ZCCHC7: variants seen among roughly 807,000 people sequenced by gnomAD.
ZCCHC7 encodes the protein zinc finger CCHC-type containing 7.
In ZCCHC7, 35 loss-of-function variants were observed where a neutral mutation model predicts 52.0. The observed-to-expected ratio is 0.67, with a 90% confidence interval of 0.51 to 0.89. The LOEUF is 0.89. Ranked by LOEUF, ZCCHC7 falls within the 40% of genes least tolerant of loss-of-function variation. The pLI is 0.00. For synonymous variants in ZCCHC7, 217 were observed against 221.5 expected (o/e 0.98, Z 0.18); for missense variants, 574 against 649.1 (o/e 0.88, Z 1.26).
intron 2 of ZCCHC7, among the ~76,000 whole-genome samples, chr9:37,238,523 AAAT>A (rs1825748362): frequency 6.6e-6 from 1 of 152,178 alleles, no homozygotes; most frequent in Non-Finnish European, 1.5e-5. Context: ...AAACCTTAGT[AAAT>A]AAGTTTTTTT....
chr9:37,229,071 G>A (rs1383180863), intron 2 of ZCCHC7, among the ~76,000 whole-genome samples: 1 of 152,082 alleles, frequency 6.6e-6, no homozygotes, highest in Admixed American at 6.6e-5. Context: ...CTGAGCTCAA[G>A]CAATCTGCCC....
chr9:37,304,657 GAAA>G (rs200820613), intron 4 of ZCCHC7, among the ~76,000 whole-genome samples: 302 of 140,076 alleles, frequency 2.2e-3, no homozygotes, highest in African/African-American at 7.4e-3. Context: ...CTCTGTCTCA[GAAA>G]AAAAAAAAAA....
chr9:37,164,441 TTAGATAGATAGATAGATAGATAGATAGA>T lies in ZCCHC7; in HGVS notation c.610+37532_610+37559del, dbSNP rs58626855. Among the ~76,000 whole-genome samples, 17 of 139,410 alleles carry T rather than the reference TTAGATAGATAGATAGATAGATAGATAGA, an allele frequency of 1.2e-4. 1 individual carries two copies. The highest frequency in any genetic ancestry group is 7.5e-4 in the South Asian group (3 of 4,012). 91.5% of individuals were successfully genotyped at this position (139,410 alleles called of 152,430 possible). A position where few individuals can be genotyped will look rare whatever the true frequency, so the allele number is the denominator to read the frequency against. ...GCCGGGGTGACGGAGTGAGACTGTCTTAGATAGATAGATAGATAGATAGATAGATAGATAGATAGATAGATAGATAGAT... is the reference window on the plus strand; with the variant it reads ...GCCGGGGTGACGGAGTGAGACTGTCTTAGATAGATAGATAGATAGATAGAT... On this transcript the variant is annotated intron_variant, in intron 2 of 8. Coordinates refer to ENST00000336755, the MANE Select transcript of ZCCHC7 (RefSeq NM_032226.3).
At position 37,247,611 on chromosome 9, in the gene ZCCHC7, G is replaced by A. The variant is rs545926236; in HGVS notation, c.611-54577G>A. Among the ~76,000 whole-genome samples, 13 of 152,280 alleles carry A rather than the reference G, an allele frequency of 8.5e-5. 1 individual carries two copies. In the South Asian group the frequency reaches 2.7e-3, roughly 32 times the overall value. ...AAAGCCATTGGTCCAGTTTTGATAA[G>A]AAATGAAGTTGGAAGTTGGGTGTAG... On this transcript the variant is annotated intron_variant, in intron 2 of 8. Coordinates refer to ENST00000336755, the MANE Select transcript of ZCCHC7 (RefSeq NM_032226.3).
intron 2 of ZCCHC7, among the ~76,000 whole-genome samples, chr9:37,149,052 T>C (rs1843567114): frequency 6.6e-6 from 1 of 152,160 alleles, no homozygotes; most frequent in Non-Finnish European, 1.5e-5. Flanking sequence ...GTTAAAGTGG[T>C]TTGTGTTACA....
intron 2 of ZCCHC7, among the ~76,000 whole-genome samples, chr9:37,264,459 C>CT (rs11321898): frequency 2.3e-4 from 35 of 151,428 alleles, no homozygotes; most frequent in Admixed American, 1.8e-3. Context: ...TTTAAATAGT[C>CT]TTTTTTTTTG....
At chr9:37,281,066 G>A (rs1357145334) in intron 2 of ZCCHC7, among the ~76,000 whole-genome samples, 1 of 152,110 alleles carries the variant, frequency 6.6e-6, no homozygotes, top group Non-Finnish European at 1.5e-5. Flanking sequence ...CTAACTCTAA[G>A]TAGAGTTAAT....
chr9:37,328,851 A>G (rs1381722823), intron 6 of ZCCHC7, among the ~76,000 whole-genome samples: 2 of 151,940 alleles, frequency 1.3e-5, no homozygotes, highest in Non-Finnish European at 2.9e-5. Flanking sequence ...TGTGATTACC[A>G]TTTAATTTTT....
At chr9:37,338,395 A>G (rs2118430562) in intron 6 of ZCCHC7, among the ~76,000 whole-genome samples, 1 of 152,304 alleles carries the variant, frequency 6.6e-6, no homozygotes, top group African/African-American at 2.4e-5. Flanking sequence ...TTTACTGAAA[A>G]AGATACAATG....
chr9:37,340,051 G>A (rs1274737389), intron 6 of ZCCHC7, among the ~76,000 whole-genome samples: 1 of 152,148 alleles, frequency 6.6e-6, no homozygotes, highest in Non-Finnish European at 1.5e-5. Flanking sequence ...AGTAAGGCCA[G>A]TGTCCCAGAT....
chr9:37,180,047 GTTAT>G (rs1252553676), intron 2 of ZCCHC7, among the ~76,000 whole-genome samples: 2 of 152,004 alleles, frequency 1.3e-5, no homozygotes, highest in African/African-American at 4.8e-5. Context: ...AACCAAAATG[GTTAT>G]TTTTTTTCCC....
At chr9:37,123,190 G>GGTGTGT (rs58690804) in intron 1 of ZCCHC7, among the ~76,000 whole-genome samples, 20 of 148,712 alleles carry the variant, frequency 1.3e-4, no homozygotes, top group African/African-American at 4.7e-4. Flanking sequence ...CTGAGTCAAG[G>GGTGTGT]GTGTGTGTGT....
intron 2 of ZCCHC7, among the ~76,000 whole-genome samples, chr9:37,224,219 T>A (rs1055190666): frequency 1.8e-4 from 28 of 152,288 alleles, no homozygotes; most frequent in South Asian, 4.1e-4. Context: ...AAATCATTTT[T>A]AATACAGAGA....
At chr9:37,265,016 A>C (rs1827036260) in intron 2 of ZCCHC7, among the ~76,000 whole-genome samples, 1 of 152,136 alleles carries the variant, frequency 6.6e-6, no homozygotes, top group Admixed American at 6.5e-5. Context: ...TAGATGATAA[A>C]TTTTGTAGCC....
chr9:37,232,998 T>C (rs1404654233), intron 2 of ZCCHC7, among the ~76,000 whole-genome samples: 16 of 152,222 alleles, frequency 1.1e-4, no homozygotes, highest in Admixed American at 7.9e-4. Flanking sequence ...GTTGGTGGTG[T>C]TGGCTTAAGG....
intron 2 of ZCCHC7, among the ~76,000 whole-genome samples, chr9:37,174,430 A>G (rs993643065): frequency 1.3e-5 from 2 of 152,238 alleles, no homozygotes; most frequent in Non-Finnish European, 2.9e-5. Flanking sequence ...ATGAATGTCC[A>G]GGAAAAATGG....
intron 2 of ZCCHC7, among the ~76,000 whole-genome samples, chr9:37,195,016 G>A (rs1455895603): frequency 1.4e-5 from 2 of 145,688 alleles, no homozygotes; most frequent in Non-Finnish European, 3.0e-5. Context: ...GTGTGATCTC[G>A]GCTCACTGCA....
chr9:37,306,492 G>C (rs1371167308), intron 5 of ZCCHC7, among the ~76,000 whole-genome samples: 3 of 151,294 alleles, frequency 2.0e-5, no homozygotes, highest in African/African-American at 7.3e-5. Flanking sequence ...TTGAGATGGA[G>C]TCTCGCTCTG....
At chr9:37,263,200 T>C (rs1019982864) in intron 2 of ZCCHC7, among the ~76,000 whole-genome samples, 2 of 152,138 alleles carry the variant, frequency 1.3e-5, no homozygotes, top group Non-Finnish European at 2.9e-5. Context: ...TGGGGACCTA[T>C]GGGATTCGCA....
Sources: allele counts gnomAD v4.1 joint callset (sites outside exome capture counted in the v4.1 genomes callset), GRCh38; gene constraint gnomAD v4.1.1; transcripts MANE v1.5; gene names NCBI Gene and HGNC (gene_info 2026-07-23, HGNC 2026-07-21).